The following KIRREL3 variants were observed in gnomAD, a reference collection of about 807,000 sequenced individuals.
KIRREL3 encodes kirre like nephrin family adhesion molecule 3, also known as kin of IRRE-like protein 3.
In KIRREL3, 36 loss-of-function variants were observed where a neutral mutation model predicts 89.7. That is an observed-to-expected ratio of 0.40 (90% CI 0.31 to 0.53). The LOEUF (loss-of-function observed/expected upper bound fraction) is 0.53, where lower values mean the gene tolerates loss of function less well. Among genes scored for constraint, KIRREL3 ranks in the 20% least tolerant of loss-of-function variants. The pLI is 0.49. For synonymous variants in KIRREL3, 445 were observed against 441.4 expected, an observed-to-expected ratio of 1.01 and a Z score of -0.10; for missense variants, 864 against 1,056.6, an observed-to-expected ratio of 0.82 and a Z score of 2.53.
chr11:126,701,377 A>G (rs1216952131), intron 1 of KIRREL3, among the ~76,000 whole-genome samples: 3 of 151,974 alleles, frequency 2.0e-5, no homozygotes, highest in Non-Finnish European at 2.9e-5. Context: ...TTGGTGAGAG[A>G]GGGAGTGGGG....
intron 1 of KIRREL3, among the ~76,000 whole-genome samples, chr11:126,958,318 A>G (rs987707306): frequency 6.6e-6 from 1 of 152,248 alleles, no homozygotes; most frequent in African/African-American, 2.4e-5. Context: ...TGAGTTACAT[A>G]GAATTACCCT....
At chr11:126,534,483 T>A (rs1435181847) in intron 2 of KIRREL3, among the ~76,000 whole-genome samples, 3 of 152,066 alleles carry the variant, frequency 2.0e-5, no homozygotes, top group East Asian at 1.9e-4. Flanking sequence ...GGAAGGTAGG[T>A]CATGTTCCTG....
Position 126,867,645 on chromosome 11 carries a change from T to G in KIRREL3, c.55+132810A>C, listed in dbSNP as rs1390608273. Among the ~76,000 whole-genome samples the G allele has an allele frequency of 6.6e-6, 1 of 152,234 alleles. No individual in the cohort carries two copies. Among genetic ancestry groups the G allele is most frequent in the African/African-American group, 2.4e-5 (1 of 41,462 alleles). On this transcript the variant is annotated intron_variant, in intron 1 of 16. Coordinates refer to ENST00000525144, the MANE Select transcript of KIRREL3 (RefSeq NM_032531.4). This position sits in a 1 kb window ranked among gnomAD's most constrained non-coding sequence, Gnocchi z 4.7. ...CCGAGTGCCATGCCCCATCAGGATG[T>G]GCTGGTAATATTTCCAGGTGAAAGA...
In KIRREL3 at chr11:126,624,964, T is replaced by C. The variant is rs1409884349; in HGVS notation, c.56-62052A>G. Among the ~76,000 whole-genome samples the C allele has an allele frequency of 6.6e-6, 1 of 152,112 alleles. No individual in the cohort carries two copies. Among genetic ancestry groups the C allele is most frequent in the Non-Finnish European group, 1.5e-5 (1 of 68,022 alleles). ...TAGTCACTCATCACAAGGTCACTGA[T>C]TGTTGGATGGCATGGGCACGCTTCC... On this transcript the variant is annotated intron_variant, in intron 1 of 16. Transcript: ENST00000525144. This position sits in a 1 kb window ranked among gnomAD's most constrained non-coding sequence, Gnocchi z 6.0.
rs1938386829 is a variant in KIRREL3, at chr11:126,541,803, G to A, written c.134-15116C>T. Among the ~76,000 whole-genome samples the A allele has an allele frequency of 6.6e-6, 1 of 152,118 alleles. No individual in the cohort carries two copies. The highest frequency in any genetic ancestry group is 2.1e-4 in the South Asian group (1 of 4,818). The stretch of plus-strand genomic sequence containing the variant: ...CTGGGTTATTTCTAGTTCAGGCTCT[G>A]TCACTGGGTGGCCTTGATTAAGTGG... On this transcript the variant is annotated intron_variant, in intron 2 of 16. Coordinates refer to ENST00000525144, the MANE Select transcript of KIRREL3 (RefSeq NM_032531.4). This position sits in a 1 kb window ranked among gnomAD's most constrained non-coding sequence, Gnocchi z 4.8.
intron 1 of KIRREL3, among the ~76,000 whole-genome samples, chr11:126,865,486 C>T (rs182177409): frequency 2.0e-5 from 3 of 152,332 alleles, no homozygotes; most frequent in Non-Finnish European, 4.4e-5. Flanking sequence ...AACAATGCCC[C>T]GGTGCTTGCA....
intron 2 of KIRREL3, among the ~76,000 whole-genome samples, chr11:126,556,765 C>T (rs1256877802): frequency 2.0e-5 from 3 of 152,102 alleles, no homozygotes; most frequent in African/African-American, 7.2e-5. Context: ...AATGTTCCCT[C>T]AGATCCTGGC....
At chr11:126,741,653 G>A (rs7131312) in intron 1 of KIRREL3, among the ~76,000 whole-genome samples, 32,732 of 152,208 alleles carry the variant, frequency 0.22, 3,990 homozygotes, top group African/African-American at 0.3. Context: ...AGGGATATTC[G>A]GCAACAAATC....
rs1258530207 is a variant in KIRREL3 at position 126,531,735 on chromosome 11, A to G, written c.134-5048T>C. On this transcript the variant is annotated intron_variant, in intron 2 of 16. Coordinates refer to ENST00000525144, the MANE Select transcript of KIRREL3 (RefSeq NM_032531.4). This position sits in a 1 kb window ranked among gnomAD's most constrained non-coding sequence, Gnocchi z 4.7. ...TTCTCCAAACCTTTATTGAGCACCT[A>G]CTATATGTCAGATGCTGATGAAACA... 6.6e-6 allele frequency among the ~76,000 whole-genome samples: 1 copy of G among 152,062 alleles called. No individual in the cohort carries two copies. The highest frequency in any genetic ancestry group is 1.5e-5 in the Non-Finnish European group (1 of 68,014).
Position 126,796,507 on chromosome 11 carries a change from T to C in KIRREL3, c.55+203948A>G, listed in dbSNP as rs1195808646. ...CTTGAATGGTGCGATTTGAAAAGCCTCCAGTATCTGCTGCTGACATCTGAA... is the reference window on the plus strand; with the variant it reads ...CTTGAATGGTGCGATTTGAAAAGCCCCCAGTATCTGCTGCTGACATCTGAA... On this transcript the variant is annotated intron_variant, in intron 1 of 16. Transcript: ENST00000525144. The surrounding 1 kb of genome is among the most constrained non-coding windows in gnomAD (Gnocchi z 5.1). 6.6e-6 allele frequency among the ~76,000 whole-genome samples: 1 copy of C among 152,130 alleles called. No homozygotes were observed.
intron 1 of KIRREL3, among the ~76,000 whole-genome samples, chr11:126,616,981 G>A (rs1257071694): frequency 6.6e-6 from 1 of 152,236 alleles, no homozygotes; most frequent in Non-Finnish European, 1.5e-5. Flanking sequence ...GTGAAAGCCA[G>A]AGAGTCTTAC....
chr11:126,643,711 G>A lies in KIRREL3; in HGVS notation c.56-80799C>T, dbSNP rs534932911. Among the ~76,000 whole-genome samples, 24 of 152,282 alleles carry A rather than the reference G, an allele frequency of 1.6e-4. No homozygotes were observed. In the South Asian group the frequency reaches 5.0e-3, roughly 32 times the overall value. On this transcript the variant is annotated intron_variant, in intron 1 of 16. Coordinates refer to ENST00000525144, the MANE Select transcript of KIRREL3 (RefSeq NM_032531.4). The surrounding 1 kb of genome is among the most constrained non-coding windows in gnomAD (Gnocchi z 4.5). ...TGAAGATGAATTGGAGATAGGGAGA[G>A]GAGTTTGGAGGCAGCAGTAATCTCA...
chr11:126,545,167 G>A (rs1320533273), intron 2 of KIRREL3, among the ~76,000 whole-genome samples: 1 of 152,148 alleles, frequency 6.6e-6, no homozygotes, highest in South Asian at 2.1e-4. Context: ...GGGGCGGCAG[G>A]TTTAAAACAA....
intron 4 of KIRREL3, among the ~76,000 whole-genome samples, chr11:126,503,665 GTGGGAGGTAATTAGGGTTAGATAC>G (rs1354543283): frequency 3.9e-5 from 6 of 152,292 alleles, no homozygotes; most frequent in African/African-American, 9.6e-5. Context: ...TTGTGATGAT[GTGGGAGGTAATTAGGGTTAGATAC>G]TGGGAGGTAA....
chr11:126,540,405 G>T (rs548846326), intron 2 of KIRREL3, among the ~76,000 whole-genome samples: 1 of 152,304 alleles, frequency 6.6e-6, no homozygotes, highest in East Asian at 1.9e-4. Context: ...GCCAGTGTGG[G>T]CAGCCTGTGA....
chr11:126,987,736 T>A lies in KIRREL3; in HGVS notation c.55+12719A>T, dbSNP rs1244112138. Among the ~76,000 whole-genome samples the A allele has an allele frequency of 6.6e-6, 1 of 152,240 alleles. No individual in the cohort carries two copies. The highest frequency in any genetic ancestry group is 2.4e-5 in the African/African-American group (1 of 41,466). On this transcript the variant is annotated intron_variant, in intron 1 of 16. Transcript: ENST00000525144. This position sits in a 1 kb window ranked among gnomAD's most constrained non-coding sequence, Gnocchi z 4.6. ...TATGCAGAGATCTATCTTCCTTGCA[T>A]TCCTCCTCTGTATTGCTCTGATTCG...
In KIRREL3 at chr11:126,797,100, C is replaced by T. The variant is rs1223838282; in HGVS notation, c.55+203355G>A. Among the ~76,000 whole-genome samples the T allele has an allele frequency of 6.6e-6, 1 of 152,142 alleles. No individual in the cohort carries two copies. The highest frequency in any genetic ancestry group is 1.5e-5 in the Non-Finnish European group (1 of 68,040). On this transcript the variant is annotated intron_variant, in intron 1 of 16. Transcript: ENST00000525144. This position sits in a 1 kb window ranked among gnomAD's most constrained non-coding sequence, Gnocchi z 4.9. ...AAGAAGAAGCCTCATTCAGATCCCC[C>T]AGAGCCCACATTCGGGGCCACCTGG...
chr11:126,966,323 G>A (rs142252683), intron 1 of KIRREL3, among the ~76,000 whole-genome samples: 2 of 152,146 alleles, frequency 1.3e-5, no homozygotes, highest in African/African-American at 4.8e-5. Context: ...GATCTGTATC[G>A]AGTCAGAATT....
rs1326739551 is a variant in KIRREL3 at position 126,739,973 on chromosome 11, A to G, written c.56-177061T>C. 6.6e-6 allele frequency among the ~76,000 whole-genome samples: 1 copy of G among 152,194 alleles called. No individual in the cohort carries two copies. On this transcript the variant is annotated intron_variant, in intron 1 of 16. Coordinates refer to ENST00000525144, the MANE Select transcript of KIRREL3 (RefSeq NM_032531.4). The surrounding 1 kb of genome is among the most constrained non-coding windows in gnomAD (Gnocchi z 5.5). Reference sequence around the variant, plus strand: ...GATGAGGAAATCTAATCATCCATACAGCTGCACTCTGAATTTGTCATGACT... The same window carrying G: ...GATGAGGAAATCTAATCATCCATACGGCTGCACTCTGAATTTGTCATGACT...
Sources: gnomAD v4.1 joint callset for allele counts (sites outside exome capture counted in the v4.1 genomes callset) on GRCh38, gnomAD v4.1.1 for gene constraint, Gnocchi (gnomAD v3.1) non-coding constraint, MANE v1.5 for transcripts, NCBI Gene and HGNC (gene_info 2026-07-23, HGNC 2026-07-21) for gene names.